The following PUDP variants were observed in gnomAD, a reference collection of about 807,000 sequenced individuals.
PUDP encodes the protein pseudouridine-5'-phosphatase.
PUDP carries 8 observed loss-of-function variants against 9.4 expected under a neutral mutation model. The ratio of observed to expected loss-of-function variants is 0.85; its 90% CI spans 0.50 to 1.53. The LOEUF (loss-of-function observed/expected upper bound fraction) is 1.53. Ranked by LOEUF, PUDP falls within the 40% of genes most tolerant of loss-of-function variation. The probability of loss-of-function intolerance (pLI) is 0.00; values close to 1 mark genes in which losing one functional copy is unlikely to be tolerated. For synonymous variants in PUDP, 99 were observed against 80.7 expected, an observed-to-expected ratio of 1.23 and a Z score of -1.22; for missense variants, 188 against 189.7, an observed-to-expected ratio of 0.99 and a Z score of 0.05.
chrX:7,005,309 T>G (rs1436230364), intron 1 of PUDP, among the ~76,000 whole-genome samples: 1 of 111,322 alleles, frequency 9.0e-6, no homozygotes, highest in Non-Finnish European at 1.9e-5. Flanking sequence ...GCAGGAAGAA[T>G]GAAAGTGAGC....
intron 1 of PUDP, among the ~76,000 whole-genome samples, chrX:7,110,951 G>A (rs902112915): frequency 1.8e-5 from 2 of 111,771 alleles, no homozygotes; most frequent in African/African-American, 6.5e-5. Flanking sequence ...GGATGTATAC[G>A]TGCAGGTCAC....
chrX:6,749,623 T>C (rs148854646), intron 3 of PUDP, among the ~76,000 whole-genome samples: 4,859 of 112,122 alleles, frequency 0.043, 111 homozygotes, highest in Non-Finnish European at 0.068. Context: ...ACATTGCTGC[T>C]GAATGTTAGG....
chrX:7,017,067 G>A (rs775388323), intron 1 of PUDP, among the ~76,000 whole-genome samples: 11 of 111,588 alleles, frequency 9.9e-5, no homozygotes, highest in Non-Finnish European at 2.1e-4. Flanking sequence ...AAGTCATAGG[G>A]CTTCACCCCA....
At chrX:6,858,286 G>A (rs774253545) in intron 3 of PUDP, among the ~76,000 whole-genome samples, 33 of 108,740 alleles carry the variant, frequency 3.0e-4, no homozygotes, top group African/African-American at 9.3e-4. Context: ...ATTCCCTCCC[G>A]GATCTTGCCC....
At chrX:7,085,973 C>CA (rs1172126383) in intron 2 of PUDP, among the ~76,000 whole-genome samples, 1 of 112,200 alleles carries the variant, frequency 8.9e-6, no homozygotes, top group Non-Finnish European at 1.9e-5. Flanking sequence ...CTCCTGCAGA[C>CA]AAGCCTCTGT....
intron 3 of PUDP, among the ~76,000 whole-genome samples, chrX:6,845,394 T>A (rs1256072302): frequency 8.9e-6 from 1 of 112,160 alleles, no homozygotes; most frequent in Non-Finnish European, 1.9e-5. Flanking sequence ...ACCTGTGCCT[T>A]AATTCCAATA....
chrX:7,104,815 T>C (rs762464000), intron 2 of PUDP, among the ~76,000 whole-genome samples: 43 of 112,262 alleles, frequency 3.8e-4, no homozygotes, highest in Non-Finnish European at 6.9e-4. Context: ...TTTGGACATA[T>C]GTATAAATAT....
chrX:6,710,560 G>T (rs143341323), intron 1 of PUDP, among the ~76,000 whole-genome samples: 112 of 111,631 alleles, frequency 1.0e-3, no homozygotes, highest in African/African-American at 3.3e-3. Context: ...AATGGTTGGC[G>T]TCAAATGTTC....
At chrX:6,733,861 T>G (rs772720321) in intron 3 of PUDP, among the ~76,000 whole-genome samples, 188 of 89,357 alleles carry the variant, frequency 2.1e-3, no homozygotes, top group Middle Eastern at 6.1e-3. Flanking sequence ...CACTGCAGCC[T>G]CCACCTCCCG....
At chrX:7,089,848 A>C (rs1253122341) in intron 2 of PUDP, among the ~76,000 whole-genome samples, 1 of 111,864 alleles carries the variant, frequency 8.9e-6, no homozygotes, top group African/African-American at 3.3e-5. Context: ...ATAGCAAACA[A>C]ATCATGTGCA....
At chrX:7,128,714 C>T (rs1932544627) in intron 1 of PUDP, among the ~76,000 whole-genome samples, 2 of 111,604 alleles carry the variant, frequency 1.8e-5, no homozygotes, top group African/African-American at 6.5e-5. Context: ...GAGTGAATAA[C>T]CTCTAGTTTT....
At chrX:6,924,439 C>T (rs1928070967) in intron 3 of PUDP, among the ~76,000 whole-genome samples, 1 of 112,081 alleles carries the variant, frequency 8.9e-6, no homozygotes, top group Non-Finnish European at 1.9e-5. Flanking sequence ...GTATCCTTTA[C>T]CTGAAATGCT....
intron 3 of PUDP, among the ~76,000 whole-genome samples, chrX:6,821,607 A>C: frequency 8.9e-6 from 1 of 112,008 alleles, no homozygotes; most frequent in Non-Finnish European, 1.9e-5. Flanking sequence ...CTAGAAAGAA[A>C]TTATTTAGGC....
At chrX:6,839,638 G>A (rs755567418) in intron 3 of PUDP, among the ~76,000 whole-genome samples, 3 of 111,519 alleles carry the variant, frequency 2.7e-5, no homozygotes, top group South Asian at 7.6e-4. Context: ...AATATGTCAT[G>A]AGAGGAATGT....
At chrX:6,965,971 C>G (rs971817681) in intron 3 of PUDP, among the ~76,000 whole-genome samples, 1 of 110,618 alleles carries the variant, frequency 9.0e-6, no homozygotes, top group Non-Finnish European at 1.9e-5. Context: ...TTCCACCGTT[C>G]GGGAAGGAAA....
chrX:6,762,090 G>A (rs1925234396), intron 3 of PUDP, among the ~76,000 whole-genome samples: 1 of 111,595 alleles, frequency 9.0e-6, no homozygotes, highest in Non-Finnish European at 1.9e-5. Flanking sequence ...TGCTCCAGGG[G>A]CTGAGGCGGG....
intron 3 of PUDP, among the ~76,000 whole-genome samples, chrX:6,926,320 A>C (rs965552960): frequency 8.9e-6 from 1 of 112,277 alleles, no homozygotes; most frequent in Admixed American, 9.5e-5. Context: ...TTCTGCTGAC[A>C]GTCAGACAGG....
At chrX:6,706,673 A>T (rs1924473368) in intron 1 of PUDP, among the ~76,000 whole-genome samples, 1 of 111,722 alleles carries the variant, frequency 9.0e-6, no homozygotes. Flanking sequence ...TGCCACTGTG[A>T]TGTAAGGATT....
intron 3 of PUDP, among the ~76,000 whole-genome samples, chrX:6,784,036 T>C (rs1275429884): frequency 9.0e-6 from 1 of 111,476 alleles, no homozygotes; most frequent in Non-Finnish European, 1.9e-5. Flanking sequence ...GGATCTTCTT[T>C]CTTCATTCTC....
Sources: gnomAD v4.1 joint callset for allele counts (sites outside exome capture counted in the v4.1 genomes callset) on GRCh38, gnomAD v4.1.1 for gene constraint, MANE v1.5 for transcripts, NCBI Gene and HGNC (gene_info 2026-07-23, HGNC 2026-07-21) for gene names.